The following CRISPLD2 variants were observed in gnomAD, a reference collection of about 807,000 sequenced individuals.
CRISPLD2 encodes cysteine-rich secretory protein LCCL domain-containing 2.
In CRISPLD2, 47 loss-of-function variants were observed where a neutral mutation model predicts 71.1. The observed-to-expected ratio is 0.66, with a 90% CI of 0.52 to 0.84. The LOEUF is 0.84. Ranked by LOEUF, CRISPLD2 falls within the 40% of genes least tolerant of loss-of-function variation. The pLI, the probability that CRISPLD2 is intolerant of heterozygous loss-of-function variation, is 0.00. For synonymous variants in CRISPLD2, 317 were observed against 250.1 expected, an observed-to-expected ratio of 1.27 and a Z score of -2.52; for missense variants, 830 against 651.1, an observed-to-expected ratio of 1.27 and a Z score of -2.99.
chr16:84,865,582 G>A (rs1917514251), intron 6 of CRISPLD2, among the ~76,000 whole-genome samples: 1 of 152,150 alleles, frequency 6.6e-6, no homozygotes, highest in Non-Finnish European at 1.5e-5. Context: ...GGAGGCCACA[G>A]GTTTCCAACT....
At chr16:84,830,098 G>T (rs1916451406) in intron 1 of CRISPLD2, among the ~76,000 whole-genome samples, 1 of 152,204 alleles carries the variant, frequency 6.6e-6, no homozygotes, top group African/African-American at 2.4e-5. Flanking sequence ...TGAGGTGGGA[G>T]GATCACTTAA....
intron 6 of CRISPLD2, among the ~76,000 whole-genome samples, chr16:84,858,678 A>G (rs1917304843): frequency 6.6e-6 from 1 of 152,254 alleles, no homozygotes; most frequent in African/African-American, 2.4e-5. Flanking sequence ...TCTCTGAATC[A>G]GATTATGACA....
At chr16:84,850,160 G>T (rs186244735) in intron 4 of CRISPLD2, among the ~76,000 whole-genome samples, 1 of 150,888 alleles carries the variant, frequency 6.6e-6, no homozygotes, top group Admixed American at 6.6e-5. Context: ...GCACGATCTT[G>T]GCTCACCGCA....
In CRISPLD2 at chr16:84,838,405, C is replaced by T. The variant is rs1916679024; in HGVS notation, c.-74-17C>T. 1.3e-6 allele frequency: 2 copies of T among 1,502,706 alleles called. No homozygotes were observed. The highest frequency in any genetic ancestry group is 2.8e-5 in the African/African-American group (2 of 72,144). The allele number at this position is 1,502,706 out of a possible 1,614,324, so 93.1% of individuals were successfully genotyped here. ...CTACTAATGCGACTTCTCCCACCAC[C>T]CTCTGCTTCCTTTCAGAGCTCAAGC... is the stretch of plus-strand genomic sequence containing the variant. On this transcript the variant is annotated splice_polypyrimidine_tract_variant and intron_variant, in intron 1 of 14. Transcript: ENST00000262424.
Position 84,838,463 on chromosome 16 carries a change from C to T in CRISPLD2, c.-33C>T, listed in dbSNP as rs372585965. 4.8e-5 allele frequency: 77 copies of T among 1,599,888 alleles called. No homozygotes were observed. The highest frequency in any genetic ancestry group is 1.9e-4 in the South Asian group (17 of 89,560). On this transcript the variant is annotated 5_prime_UTR_variant, in exon 2 of 15. Transcript: ENST00000262424. ...TCTGCCCGAGGAGCCCAGGCTGCCC[C>T]GTGAGTCCCATAGTTGCTGCAGGAG... is the stretch of plus-strand genomic sequence containing the variant.
intron 1 of CRISPLD2, among the ~76,000 whole-genome samples, chr16:84,832,298 C>T (rs1377435633): frequency 6.6e-6 from 1 of 152,240 alleles, no homozygotes; most frequent in African/African-American, 2.4e-5. Flanking sequence ...ACTCAAGAAG[C>T]TCGGTGCTGT....
In CRISPLD2 at chr16:84,872,996, C is replaced by G; in HGVS notation, c.986C>G (p.Ser329Cys). 6.2e-7 allele frequency: 1 copy of G among 1,610,918 alleles called. No homozygotes were observed. The highest frequency in any genetic ancestry group is 8.5e-7 in the Non-Finnish European group (1 of 1,178,754). Reference protein sequence around the residue: ...IFGTLFYESSSSICRAAIHYG... With the variant: ...IFGTLFYESSCSICRAAIHYG... ...CTTCTCTTCCCTTCCCGCCAGTCGT[C>G]TAGCATATGCCGCGCCGCCATCCAC... The change falls in exon 10 of 15, where the codon TCT becomes TGT. Residue 329 changes from serine to cysteine, a missense_variant. Physicochemically the swap from Ser to Cys is moderately radical, Grantham distance 112 (BLOSUM62 -1). Transcript: ENST00000262424.
chr16:84,841,706 C>G (rs1282849502), intron 2 of CRISPLD2, among the ~76,000 whole-genome samples: 2 of 152,020 alleles, frequency 1.3e-5, no homozygotes, highest in African/African-American at 4.8e-5. Context: ...AGCGATTCTC[C>G]TGTCTCGGCC....
chr16:84,827,034 C>A (rs1287501051), intron 1 of CRISPLD2, among the ~76,000 whole-genome samples: 1 of 152,026 alleles, frequency 6.6e-6, no homozygotes, highest in Non-Finnish European at 1.5e-5. Flanking sequence ...AGGGCACAGC[C>A]GTCTCTGTAC....
intron 1 of CRISPLD2, among the ~76,000 whole-genome samples, chr16:84,837,795 T>TA (rs1295644219): frequency 6.6e-6 from 1 of 150,628 alleles, no homozygotes; most frequent in African/African-American, 2.4e-5. Context: ...GAGAATAACA[T>TA]AAACGACCGG....
chr16:84,881,859 T>C (rs1224856535), intron 13 of CRISPLD2, among the ~76,000 whole-genome samples: 1 of 152,142 alleles, frequency 6.6e-6, no homozygotes, highest in African/African-American at 2.4e-5. Flanking sequence ...TCTTTGCCTC[T>C]GTCTGCCTTA....
rs370692895 is a variant in CRISPLD2, at chr16:84,867,060, C to T, written c.853+20C>T. On this transcript the variant is annotated intron_variant, in intron 7 of 14. Coordinates refer to ENST00000262424, the MANE Select transcript of CRISPLD2 (RefSeq NM_031476.4). The stretch of plus-strand genomic sequence containing the variant: ...ACATGAGTGAGTCTAGGCCGTCCTC[C>T]GCCCCTCCTGCCCTCCCAGCCACCT... 1.5e-4 allele frequency: 237 copies of T among 1,607,252 alleles called. No homozygotes were observed. The highest frequency in any genetic ancestry group is 1.8e-4 in the Admixed American group (11 of 59,836).
chr16:84,823,507 C>T (rs1442374863), intron 1 of CRISPLD2, among the ~76,000 whole-genome samples: 3 of 152,196 alleles, frequency 2.0e-5, no homozygotes, highest in Non-Finnish European at 4.4e-5. Flanking sequence ...TGGCCTTCTC[C>T]ATGGGTGCAG....
chr16:84,842,576 G>A (rs569845194), intron 2 of CRISPLD2, among the ~76,000 whole-genome samples: 2 of 151,716 alleles, frequency 1.3e-5, no homozygotes, highest in African/African-American at 2.4e-5. Flanking sequence ...GTTTCACCAC[G>A]TTGGCCAGGC....
In CRISPLD2 at chr16:84,889,243, G is replaced by A; in HGVS notation, c.1319G>A (p.Cys440Tyr). The A allele has an allele frequency of 6.2e-7, 1 of 1,614,158 alleles. No individual in the cohort carries two copies. The highest frequency in any genetic ancestry group is 2.2e-5 in the East Asian group (1 of 44,882). The change falls in exon 14 of 15, where the codon TGC becomes TAC. Residue 440 changes from cysteine to tyrosine, a missense_variant. Transcript: ENST00000262424. Reference protein sequence around the residue: ...TNIYADTSSICKTAVHAGVIS... With the variant: ...TNIYADTSSIYKTAVHAGVIS... ...CTGTGCTTCCAGACCTCAAGCATCT[G>A]CAAGACAGCCGTGCACGCGGGAGTC...
chr16:84,892,113 GA>G (rs1174314336), intron 14 of CRISPLD2, among the ~76,000 whole-genome samples: 1 of 152,142 alleles, frequency 6.6e-6, no homozygotes, highest in African/African-American at 2.4e-5. Flanking sequence ...ATAAAGGGGG[GA>G]ATAATATTAC....
At chr16:84,825,975 T>C (rs983588528) in intron 1 of CRISPLD2, among the ~76,000 whole-genome samples, 4 of 149,874 alleles carry the variant, frequency 2.7e-5, no homozygotes, top group African/African-American at 9.8e-5. Context: ...AAAAGTGGGT[T>C]CCTGGCCTGG....
chr16:84,881,709 C>T (rs570571075), intron 13 of CRISPLD2, among the ~76,000 whole-genome samples: 2 of 152,166 alleles, frequency 1.3e-5, no homozygotes, highest in Admixed American at 1.3e-4. Flanking sequence ...CTCCTGGGCT[C>T]GAGCGATCCT....
chr16:84,866,760 T>C lies in CRISPLD2; in HGVS notation c.710-137T>C, dbSNP rs1917548575. ...CCAGGTCTGTTCTGAAATGTAACTTTCTCTTTGCCGCTGAAATGATTCTTT... is the reference window on the plus strand; with the variant it reads ...CCAGGTCTGTTCTGAAATGTAACTTCCTCTTTGCCGCTGAAATGATTCTTT... On this transcript the variant is annotated intron_variant, in intron 6 of 14. Coordinates refer to ENST00000262424, the MANE Select transcript of CRISPLD2 (RefSeq NM_031476.4). 6 of 819,570 alleles carry C rather than the reference T, an allele frequency of 7.3e-6. No individual in the cohort carries two copies. The South Asian group carries it at 1.0e-4, about 14-fold the overall frequency. The allele number at this position is 819,570 out of a possible 1,614,324, so 50.8% of individuals were successfully genotyped here. A position where few individuals can be genotyped will look rare whatever the true frequency, so the allele number is the denominator to read the frequency against.
Sources: allele counts gnomAD v4.1 joint callset (sites outside exome capture counted in the v4.1 genomes callset), GRCh38; gene constraint gnomAD v4.1.1; transcripts MANE v1.5; gene names NCBI Gene and HGNC (gene_info 2026-07-23, HGNC 2026-07-21).